MYO3B: variants seen among roughly 807,000 people sequenced by gnomAD.
MYO3B encodes myosin-IIIb.
Under a neutral mutation model 174.6 loss-of-function variants are expected in MYO3B, and 156 were observed. The observed-to-expected ratio is 0.89, with a 90% confidence interval of 0.78 to 1.02. MYO3B has a LOEUF of 1.02. MYO3B is among the 50% of genes least tolerant of loss of function. MYO3B has a pLI of 0.00. For synonymous variants in MYO3B, 563 were observed against 569.1 expected (o/e 0.99, Z 0.15); for missense variants, 1,632 against 1,639.4 (o/e 1.00, Z 0.08).
intron 1 of MYO3B, among the ~76,000 whole-genome samples, chr2:170,184,521 ATTCTT>A (rs930577827): frequency 3.0e-4 from 46 of 152,278 alleles, no homozygotes; most frequent in African/African-American, 1.1e-3. Flanking sequence ...ACAGGATCTC[ATTCTT>A]TTTATGGCTG....
At chr2:170,570,123 G>C (rs1234069295) in intron 32 of MYO3B, among the ~76,000 whole-genome samples, 2 of 152,192 alleles carry the variant, frequency 1.3e-5, no homozygotes, top group Non-Finnish European at 2.9e-5. Context: ...TTAATATACT[G>C]AGATGCCAGA....
intron 32 of MYO3B, among the ~76,000 whole-genome samples, chr2:170,631,277 A>G (rs780536097): frequency 7.2e-5 from 11 of 152,186 alleles, no homozygotes; most frequent in Non-Finnish European, 1.5e-4. Flanking sequence ...AGCCGACTCT[A>G]TCAACTGGAA....
intron 8 of MYO3B, among the ~76,000 whole-genome samples, chr2:170,361,135 T>A (rs559927687): frequency 1.3e-5 from 2 of 152,284 alleles, no homozygotes; most frequent in South Asian, 4.2e-4. Context: ...GTTCGCTATA[T>A]ACCAAATACT....
At chr2:170,291,708 G>C (rs1446052944) in intron 7 of MYO3B, among the ~76,000 whole-genome samples, 1 of 48,648 alleles carries the variant, frequency 2.1e-5, no homozygotes, top group Admixed American at 2.9e-4. Flanking sequence ...ATTCTTGGAT[G>C]ACAGGTTTTT....
At chr2:170,592,402 A>C (rs2355828) in intron 32 of MYO3B, among the ~76,000 whole-genome samples, 55,426 of 151,800 alleles carry the variant, frequency 0.37, 12,334 homozygotes, top group African/African-American at 0.62. Context: ...AAGAGAAATA[A>C]AGATTTGCAG....
intron 7 of MYO3B, among the ~76,000 whole-genome samples, chr2:170,292,300 T>A (rs1212603839): frequency 6.6e-6 from 1 of 152,220 alleles, no homozygotes; most frequent in Non-Finnish European, 1.5e-5. Context: ...TTTGTTAAAT[T>A]TCTCTGATAA....
Position 170,240,789 on chromosome 2 carries a change from C to A in MYO3B, c.749+4653C>A, listed in dbSNP as rs1382341980. 2.0e-5 allele frequency among the ~76,000 whole-genome samples: 3 copies of A among 152,142 alleles called. No individual in the cohort carries two copies. In the East Asian group the frequency reaches 5.8e-4, roughly 29 times the overall value. ...AGCCAAGAAACGGAAGAACAGAAAT[C>A]AAGAGTGTTGTCTTAGGTGAACATA... is the stretch of plus-strand genomic sequence containing the variant. On this transcript the variant is annotated intron_variant, in intron 7 of 34. Coordinates refer to ENST00000408978, the MANE Select transcript of MYO3B (RefSeq NM_138995.5).
intron 9 of MYO3B, among the ~76,000 whole-genome samples, chr2:170,372,117 T>G (rs1327738451): frequency 2.3e-4 from 1 of 4,270 alleles, no homozygotes; most frequent in Non-Finnish European, 5.7e-4. Flanking sequence ...AGACCCTGTC[T>G]CAAAAAAAAA....
chr2:170,398,394 C>A (rs930087057), intron 16 of MYO3B, among the ~76,000 whole-genome samples: 8 of 152,116 alleles, frequency 5.3e-5, no homozygotes, highest in Admixed American at 4.6e-4. Context: ...CGAATCTCAT[C>A]ATTTAGGGGT....
At chr2:170,615,765 C>G (rs1695425390) in intron 32 of MYO3B, among the ~76,000 whole-genome samples, 1 of 152,140 alleles carries the variant, frequency 6.6e-6, no homozygotes, top group Admixed American at 6.5e-5. Flanking sequence ...ATAGTGAAAG[C>G]TGGGTCCAGG....
intron 32 of MYO3B, among the ~76,000 whole-genome samples, chr2:170,650,982 G>T (rs944484266): frequency 1.4e-5 from 2 of 145,822 alleles, no homozygotes; most frequent in Non-Finnish European, 3.1e-5. Flanking sequence ...CTGACTCGTG[G>T]TTTCTTAATC....
intron 25 of MYO3B, among the ~76,000 whole-genome samples, chr2:170,478,443 C>T (rs1024334342): frequency 4.6e-5 from 7 of 151,704 alleles, no homozygotes; most frequent in East Asian, 1.9e-4. Context: ...AAAGTGCAGA[C>T]GTGCCTGACT....
At chr2:170,463,000 C>T (rs902000785) in intron 23 of MYO3B, among the ~76,000 whole-genome samples, 11 of 152,324 alleles carry the variant, frequency 7.2e-5, no homozygotes, top group African/African-American at 2.4e-4. Flanking sequence ...GGGGCCATCA[C>T]GTCTTTATAA....
Position 170,464,316 on chromosome 2 carries a change from G to A in MYO3B, c.2808+871G>A, listed in dbSNP as rs1231143020. 5.5e-5 allele frequency among the ~76,000 whole-genome samples: 8 copies of A among 144,762 alleles called. No individual in the cohort carries two copies. The East Asian group carries it at 1.6e-3, about 29-fold the overall frequency. The allele number at this position is 144,762 out of a possible 152,430, so 95.0% of individuals were successfully genotyped here. On this transcript the variant is annotated intron_variant, in intron 24 of 34. Coordinates refer to ENST00000408978, the MANE Select transcript of MYO3B (RefSeq NM_138995.5). The stretch of plus-strand genomic sequence containing the variant: ...GTGAGCTGAGATTGCGCCATTGCAG[G>A]CCTGGGTGACAAAGTGAGACTCCCT...
intron 1 of MYO3B, among the ~76,000 whole-genome samples, chr2:170,190,827 A>C (rs2092531641): frequency 6.6e-6 from 1 of 152,038 alleles, no homozygotes; most frequent in African/African-American, 2.4e-5. Context: ...CTAAGAGCCC[A>C]CTTGGTGCTC....
At chr2:170,319,506 A>G (rs1329828235) in intron 7 of MYO3B, among the ~76,000 whole-genome samples, 1 of 152,222 alleles carries the variant, frequency 6.6e-6, no homozygotes, top group Non-Finnish European at 1.5e-5. Context: ...AAAGACATTG[A>G]AGAAAAATTA....
intron 7 of MYO3B, among the ~76,000 whole-genome samples, chr2:170,250,705 T>C (rs2093242567): frequency 6.6e-6 from 1 of 152,134 alleles, no homozygotes; most frequent in Admixed American, 6.5e-5. Context: ...AAGAACTGGG[T>C]CACACACAGA....
At chr2:170,535,242 G>A (rs974103718) in intron 30 of MYO3B, among the ~76,000 whole-genome samples, 8 of 152,164 alleles carry the variant, frequency 5.3e-5, no homozygotes, top group African/African-American at 1.4e-4. Context: ...CTTGGGAGCC[G>A]AATGACTGAT....
intron 7 of MYO3B, among the ~76,000 whole-genome samples, chr2:170,306,116 G>C (rs2093699104): frequency 6.6e-6 from 1 of 152,200 alleles, no homozygotes; most frequent in Non-Finnish European, 1.5e-5. Flanking sequence ...CCTGGGTTAA[G>C]CTGGATCCCG....
Sources: allele counts gnomAD v4.1 joint callset (sites outside exome capture counted in the v4.1 genomes callset), GRCh38; gene constraint gnomAD v4.1.1; transcripts MANE v1.5; gene names NCBI Gene and HGNC (gene_info 2026-07-23, HGNC 2026-07-21).